ZNF573: variants seen among roughly 807,000 people sequenced by gnomAD.
ZNF573 encodes zinc finger protein 573.
Under a neutral mutation model 57.4 loss-of-function variants are expected in ZNF573, and 41 were observed. The observed-to-expected ratio is 0.71, with a 90% CI of 0.56 to 0.93. The LOEUF is 0.93. Ranked by LOEUF, ZNF573 falls within the 40% of genes least tolerant of loss-of-function variation. The pLI is 0.00. For missense variants in ZNF573, 730 were observed against 794.8 expected, an observed-to-expected ratio of 0.92 and a Z score of 0.98; for synonymous variants, 249 against 261.0, an observed-to-expected ratio of 0.95 and a Z score of 0.44.
intron 4 of ZNF573, among the ~76,000 whole-genome samples, chr19:37,769,237 G>C (rs969875864): frequency 6.6e-6 from 1 of 151,656 alleles, no homozygotes; most frequent in Admixed American, 6.6e-5. Context: ...CAAAGTGTTG[G>C]GATTACAGGC....
Position 37,757,773 on chromosome 19 carries a change from C to T in ZNF573, c.295+12232G>A, listed in dbSNP as rs111790493. 4.6e-5 allele frequency among the ~76,000 whole-genome samples: 7 copies of T among 152,024 alleles called. No homozygotes were observed. In the East Asian group the frequency reaches 1.4e-3, roughly 30 times the overall value. On this transcript the variant is annotated intron_variant, in intron 4 of 4. Transcript: ENST00000536220. ...TTTATTGCGGCACTACTCACAATAG[C>T]AAAGACTTGGAACCAACCCAAATGT...
chr19:37,746,806 A>G (rs1307449817), intron 4 of ZNF573, among the ~76,000 whole-genome samples: 2 of 152,150 alleles, frequency 1.3e-5, no homozygotes, highest in African/African-American at 2.4e-5. Flanking sequence ...CTGGTCTTAA[A>G]AACTCCTGAC....
At chr19:37,770,635 G>A (rs1389453879) in intron 3 of ZNF573, 1 of 147,956 alleles carries the variant, frequency 6.8e-6, no homozygotes, top group African/African-American at 2.5e-5. Context: ...ATTAGGCATG[G>A]TGGTGCATCT....
chr19:37,739,306 T>C lies in ZNF573; in HGVS notation c.1184A>G (p.Tyr395Cys). The C allele has an allele frequency of 2.5e-6, 4 of 1,613,898 alleles. No individual in the cohort carries two copies. The South Asian group carries it at 4.4e-5, about 18-fold the overall frequency. Residue 395 changes from tyrosine to cysteine, a missense_variant, in exon 5 of 5, where the codon TAT becomes TGT. By Grantham distance (194) the Tyr-to-Cys change is radical (BLOSUM62 -2). Transcript: ENST00000536220. ...TTGAAAGAGTTTTGAACCAGTAGTA[T>C]AGGTCTTCCCACATTGCTTGCATTC... ...LFECKQCGKTYTTGSKLFQHQ... is the reference protein window; with the variant it reads ...LFECKQCGKTCTTGSKLFQHQ...
At chr19:37,753,269 G>A (rs1023422153) in intron 4 of ZNF573, among the ~76,000 whole-genome samples, 2 of 151,514 alleles carry the variant, frequency 1.3e-5, no homozygotes, top group Non-Finnish European at 2.9e-5. Context: ...ATATTTATGG[G>A]GTATATGAGA....
chr19:37,763,755 T>C (rs931189007), intron 4 of ZNF573, among the ~76,000 whole-genome samples: 4 of 152,008 alleles, frequency 2.6e-5, no homozygotes, highest in African/African-American at 9.7e-5. Flanking sequence ...TAAGAATGTT[T>C]TATGTGTCAT....
intron 4 of ZNF573, among the ~76,000 whole-genome samples, chr19:37,751,745 T>C (rs1230768659): frequency 8.0e-6 from 1 of 124,626 alleles, no homozygotes; most frequent in African/African-American, 2.9e-5. Flanking sequence ...ATATAGTACA[T>C]AGTACCGTAT....
At chr19:37,742,308 A>T (rs1284482876) in intron 4 of ZNF573, among the ~76,000 whole-genome samples, 2 of 152,222 alleles carry the variant, frequency 1.3e-5, no homozygotes, top group African/African-American at 4.8e-5. Context: ...CATTCTTCAC[A>T]GAATTAGAAA....
chr19:37,750,098 T>C (rs1303705349), intron 4 of ZNF573, among the ~76,000 whole-genome samples: 1 of 152,084 alleles, frequency 6.6e-6, no homozygotes, highest in East Asian at 1.9e-4. Flanking sequence ...TTTTTTTTTT[T>C]TTGAGATGGA....
chr19:37,770,196 A>C (rs2045642200), intron 3 of ZNF573, 99 bp from the exon 4 acceptor site: 1 of 896,338 alleles, frequency 1.1e-6, no homozygotes, highest in Admixed American at 3.0e-5. Flanking sequence ...AGGACTTCAA[A>C]TAAAAGAGGG....
At chr19:37,750,411 A>AT (rs2045422372) in intron 4 of ZNF573, among the ~76,000 whole-genome samples, 2 of 152,140 alleles carry the variant, frequency 1.3e-5, no homozygotes, top group African/African-American at 4.8e-5. Context: ...ATAATGAAAA[A>AT]CAAAATTGCA....
rs199736216 is a variant in ZNF573, at chr19:37,739,533, T to A, written c.957A>T (p.Val319=). Residue 319 remains valine, a synonymous_variant, in exon 5 of 5, where the codon GTA becomes GTT. Transcript: ENST00000536220. The part of the protein sequence containing the change: ...KAFRRGHQLT[V]HQRVHTGKKP... ...TTTTACCAGTGTGAACTCTCTGATGTACAGTAAGCTGGTGACCTCTTCTAA... is the reference window on the plus strand; with the variant it reads ...TTTTACCAGTGTGAACTCTCTGATGAACAGTAAGCTGGTGACCTCTTCTAA... 3.3e-5 allele frequency: 53 copies of A among 1,613,034 alleles called. No homozygotes were observed. In the East Asian group the frequency reaches 1.1e-3, roughly 34 times the overall value.
intron 4 of ZNF573, among the ~76,000 whole-genome samples, chr19:37,749,354 A>T (rs1329144289): frequency 6.6e-6 from 1 of 151,998 alleles, no homozygotes; most frequent in East Asian, 1.9e-4. Context: ...CCTTGGCTTG[A>T]TGATTTTTAA....
In ZNF573 at chr19:37,738,452, C is replaced by G. The variant is rs1373262084; in HGVS notation, c.*40G>C. ...TTCCATCATTTCTCACCAGTGTGGG[C>G]TGTCTGATGATGAATGGCGCGCTCG... On this transcript the variant is annotated 3_prime_UTR_variant, in exon 5 of 5. Transcript: ENST00000536220. 1.3e-6 allele frequency: 2 copies of G among 1,491,260 alleles called. No individual in the cohort carries two copies. Among genetic ancestry groups the G allele is most frequent in the Non-Finnish European group, 1.8e-6 (2 of 1,120,860 alleles). 92.4% of individuals were successfully genotyped at this position (1,491,260 alleles called of 1,614,324 possible).
Position 37,748,167 on chromosome 19 carries a change from G to A in ZNF573, c.296-7973C>T, listed in dbSNP as rs150101398. Among the ~76,000 whole-genome samples the A allele has an allele frequency of 7.9e-4, 121 of 152,256 alleles. 2 individuals are homozygous for A. In the East Asian group the frequency reaches 0.017, roughly 21 times the overall value. ...AAGATAAGACAAATGTATACAATGT[G>A]GTACCCCTAACTGGATGCATCTTGG... On this transcript the variant is annotated intron_variant, in intron 4 of 4. Coordinates refer to ENST00000536220, the MANE Select transcript of ZNF573 (RefSeq NM_001172690.2).
At chr19:37,772,168 C>T (rs545311179) in intron 2 of ZNF573, among the ~76,000 whole-genome samples, 2 of 152,238 alleles carry the variant, frequency 1.3e-5, no homozygotes, top group East Asian at 3.9e-4. Context: ...CGGGGTCTCA[C>T]TCCTGCCCAG....
chr19:37,757,077 G>A (rs1263050367), intron 4 of ZNF573, among the ~76,000 whole-genome samples: 1 of 151,740 alleles, frequency 6.6e-6, no homozygotes, highest in African/African-American at 2.4e-5. Flanking sequence ...TGGAAAAATG[G>A]GGGTTACTGA....
intron 2 of ZNF573, 43 bp from the exon 3 acceptor site, chr19:37,771,739 A>G: frequency 6.4e-7 from 1 of 1,566,724 alleles, no homozygotes; most frequent in South Asian, 1.2e-5. Flanking sequence ...CATTTTAAAG[A>G]AGGAAAGATA....
rs1311970043 is a variant in ZNF573 at position 37,739,001 on chromosome 19, G to A, written c.1489C>T (p.Pro497Ser). The A allele has an allele frequency of 3.7e-6, 6 of 1,613,566 alleles. No individual in the cohort carries two copies. The highest frequency in any genetic ancestry group is 1.7e-5 in the Admixed American group (1 of 59,958). ...QHRKTHTGEK[P>S]YKCKECGKTF... Reference sequence around the variant, plus strand: ...TTGCCACATTCCTTACATTTATAGGGTTTCTCACCAGTATGAGTTTTCCGA... The same window carrying A: ...TTGCCACATTCCTTACATTTATAGGATTTCTCACCAGTATGAGTTTTCCGA... Residue 497 changes from proline (P) to serine (S), a missense_variant, in exon 5 of 5, where the codon CCC becomes TCC. Physicochemically the swap from Pro to Ser is moderately conservative, Grantham distance 74. Coordinates refer to ENST00000536220, the MANE Select transcript of ZNF573 (RefSeq NM_001172690.2).
Sources: gnomAD v4.1 joint callset for allele counts (sites outside exome capture counted in the v4.1 genomes callset) on GRCh38, gnomAD v4.1.1 for gene constraint, MANE v1.5 for transcripts, NCBI Gene and HGNC (gene_info 2026-07-23, HGNC 2026-07-21) for gene names.